EPHA7: variants seen among roughly 807,000 people sequenced by gnomAD.
EPHA7 encodes EPH receptor A7, also known as ephrin type-A receptor 7.
A neutral mutation model predicts 112.6 loss-of-function variants in EPHA7; 25 were observed. That is an observed-to-expected ratio of 0.22 (90% confidence interval 0.16 to 0.31). The LOEUF is 0.31. Ranked by LOEUF, EPHA7 falls within the 10% of genes least tolerant of loss-of-function variation. The pLI, the probability that EPHA7 is intolerant of heterozygous loss-of-function variation, is 1.00. For missense variants in EPHA7, 962 were observed against 1,212.6 expected (o/e 0.79, Z 3.07); for synonymous variants, 437 against 406.5 (o/e 1.07, Z -0.90).
At chr6:93,261,571 T>C (rs1391895169) in intron 9 of EPHA7, among the ~76,000 whole-genome samples, 2 of 151,618 alleles carry the variant, frequency 1.3e-5, no homozygotes, top group African/African-American at 2.4e-5. Flanking sequence ...GTGCACTTTT[T>C]TCATTATTCA....
At chr6:93,295,586 C>T (rs1353987443) in intron 5 of EPHA7, among the ~76,000 whole-genome samples, 1 of 151,484 alleles carries the variant, frequency 6.6e-6, no homozygotes, top group Non-Finnish European at 1.5e-5. Context: ...TTTTTATAGT[C>T]AATTTTATCA....
chr6:93,374,151 C>T (rs140395910), intron 3 of EPHA7, among the ~76,000 whole-genome samples: 213 of 152,172 alleles, frequency 1.4e-3, no homozygotes, highest in African/African-American at 5.0e-3. Context: ...AAGGAGTACA[C>T]TATGTAGTGC....
chr6:93,278,513 T>C (rs543850489), intron 5 of EPHA7, among the ~76,000 whole-genome samples: 4 of 152,206 alleles, frequency 2.6e-5, no homozygotes, highest in Admixed American at 6.5e-5. Context: ...ACACACATTA[T>C]CTATCTTTTC....
At chr6:93,274,763 C>T (rs1011738993) in intron 5 of EPHA7, among the ~76,000 whole-genome samples, 2 of 151,770 alleles carry the variant, frequency 1.3e-5, no homozygotes, top group Non-Finnish European at 2.9e-5. Flanking sequence ...TGTCTAATGT[C>T]CTTCAAATAC....
rs1179651746 is a variant in EPHA7 at position 93,410,046 on chromosome 6, C to T, written c.832+455G>A. Reference sequence around the variant, plus strand: ...AGTTTGTAAATATATTCGTTTATGCCCTGCCTGTCACTAGAGCTCTTATTC... The same window carrying T: ...AGTTTGTAAATATATTCGTTTATGCTCTGCCTGTCACTAGAGCTCTTATTC... On this transcript the variant is annotated intron_variant, in intron 3 of 16. Transcript: ENST00000369303. This position sits in a 1 kb window ranked among gnomAD's most constrained non-coding sequence, Gnocchi z 4.0. The T allele has an allele frequency of 1.3e-5, 2 of 154,026 alleles. No homozygotes were observed. The highest frequency in any genetic ancestry group is 2.0e-4 in the South Asian group (1 of 4,936). The allele number at this position is 154,026 out of a possible 1,614,324, so 9.5% of individuals were successfully genotyped here.
At chr6:93,368,581 G>A (rs73755395) in intron 3 of EPHA7, among the ~76,000 whole-genome samples, 1 of 152,060 alleles carries the variant, frequency 6.6e-6, no homozygotes, top group African/African-American at 2.4e-5. Context: ...TGAGTGGCTT[G>A]TCAATAATTA....
intron 5 of EPHA7, among the ~76,000 whole-genome samples, chr6:93,352,435 A>T (rs1775740258): frequency 6.6e-6 from 1 of 152,024 alleles, no homozygotes; most frequent in South Asian, 2.1e-4. Flanking sequence ...TTACTTTTAT[A>T]CTCTTACATC....
chr6:93,298,937 C>T (rs943066857), intron 5 of EPHA7, among the ~76,000 whole-genome samples: 2 of 151,970 alleles, frequency 1.3e-5, no homozygotes, highest in African/African-American at 2.4e-5. Flanking sequence ...TCATAAGGAA[C>T]TTAAACAAAT....
Position 93,410,683 on chromosome 6 carries a change from T to A in EPHA7, c.650A>T (p.Asp217Val). Reference sequence around the variant, plus strand: ...GGAAAATTCTGAACCAGTCACTGTATCTGGAAAGATAGCTAAGTTCTCAAT... The same window carrying A: ...GGAAAATTCTGAACCAGTCACTGTAACTGGAAAGATAGCTAAGTTCTCAAT... ...SIIENLAIFP[D>V]TVTGSEFSSL... is the part of the protein sequence containing the mutation. Residue 217 changes from aspartate (D) to valine (V), a missense_variant, in exon 3 of 17, where the codon GAT (aspartate) becomes GTT (valine). Physicochemically the swap from Asp to Val is radical, Grantham distance 152. Coordinates refer to ENST00000369303, the MANE Select transcript of EPHA7 (RefSeq NM_004440.4). This position sits in a 1 kb window ranked among gnomAD's most constrained non-coding sequence, Gnocchi z 4.0. The A allele has an allele frequency of 6.2e-7, 1 of 1,614,062 alleles. No homozygotes were observed. The highest frequency in any genetic ancestry group is 8.5e-7 in the Non-Finnish European group (1 of 1,179,960).
chr6:93,319,072 A>G (rs1441986322), intron 5 of EPHA7, among the ~76,000 whole-genome samples: 2 of 152,106 alleles, frequency 1.3e-5, no homozygotes, highest in African/African-American at 4.8e-5. Flanking sequence ...TCACTCTTAT[A>G]AGCGTTTAGG....
intron 5 of EPHA7, among the ~76,000 whole-genome samples, chr6:93,283,630 G>A (rs1169211037): frequency 6.6e-6 from 1 of 152,124 alleles, no homozygotes; most frequent in African/African-American, 2.4e-5. Flanking sequence ...AAGGTCTGCA[G>A]CTTCACTCCC....
chr6:93,303,478 A>C (rs1773097676), intron 5 of EPHA7, among the ~76,000 whole-genome samples: 1 of 152,136 alleles, frequency 6.6e-6, no homozygotes, highest in Non-Finnish European at 1.5e-5. Flanking sequence ...GAAGTGCTAA[A>C]GAGAAAAAAA....
chr6:93,387,075 C>A (rs1184774574), intron 3 of EPHA7, among the ~76,000 whole-genome samples: 1 of 152,132 alleles, frequency 6.6e-6, no homozygotes, highest in African/African-American at 2.4e-5. Flanking sequence ...ATGCAAATTT[C>A]TGCAGCATAT....
chr6:93,302,591 C>T (rs1227517324), intron 5 of EPHA7, among the ~76,000 whole-genome samples: 1 of 152,180 alleles, frequency 6.6e-6, no homozygotes, highest in Non-Finnish European at 1.5e-5. Flanking sequence ...TACCTTTTAT[C>T]TCTACTTGTA....
intron 5 of EPHA7, among the ~76,000 whole-genome samples, chr6:93,292,020 C>G (rs1772406536): frequency 2.6e-5 from 4 of 152,008 alleles, no homozygotes; most frequent in African/African-American, 9.7e-5. Context: ...TTTTACTTCT[C>G]ATATTTGGAA....
intron 3 of EPHA7, among the ~76,000 whole-genome samples, chr6:93,383,302 A>G (rs979644860): frequency 4.7e-5 from 7 of 148,328 alleles, no homozygotes; most frequent in Non-Finnish European, 1.0e-4. Flanking sequence ...GTGTACAATG[A>G]CTTATATCAG....
At chr6:93,319,185 G>C (rs1482275149) in intron 5 of EPHA7, among the ~76,000 whole-genome samples, 3 of 152,084 alleles carry the variant, frequency 2.0e-5, no homozygotes, top group African/African-American at 7.2e-5. Context: ...TTATGGTGTG[G>C]AAGTTGCAAA....
chr6:93,323,888 G>T (rs940766992), intron 5 of EPHA7, among the ~76,000 whole-genome samples: 4 of 151,408 alleles, frequency 2.6e-5, no homozygotes, highest in Admixed American at 2.0e-4. Flanking sequence ...TTCAAAGAGA[G>T]TTATCTACAA....
Position 93,320,099 on chromosome 6 carries a change from G to A in EPHA7, c.1324+36618C>T, listed in dbSNP as rs533866368. 7.2e-5 allele frequency among the ~76,000 whole-genome samples: 11 copies of A among 152,064 alleles called. No individual in the cohort carries two copies. The South Asian group carries it at 1.5e-3, about 20-fold the overall frequency. ...TGGTGAACTGTCTAGCATGTATTTTGTGCTAGTATTAATGGGCTGCTCATT... is the reference window on the plus strand; with the variant it reads ...TGGTGAACTGTCTAGCATGTATTTTATGCTAGTATTAATGGGCTGCTCATT... On this transcript the variant is annotated intron_variant, in intron 5 of 16. Transcript: ENST00000369303.
Sources: allele counts gnomAD v4.1 joint callset (sites outside exome capture counted in the v4.1 genomes callset), GRCh38; gene constraint gnomAD v4.1.1; non-coding constraint Gnocchi (gnomAD v3.1); transcripts MANE v1.5; gene names NCBI Gene and HGNC (gene_info 2026-07-23, HGNC 2026-07-21).